Variants in MRTFB observed in about 807,000 individuals in gnomAD.
MRTFB encodes myocardin related transcription factor B, also known as myocardin-related transcription factor B.
Under a neutral mutation model 104.2 loss-of-function variants are expected in MRTFB, and 29 were observed. That is an observed-to-expected ratio of 0.28 (90% CI 0.21 to 0.38). MRTFB has a LOEUF of 0.38. Ranked by LOEUF, MRTFB falls within the 10% of genes least tolerant of loss-of-function variation. The pLI is 1.00. For synonymous variants in MRTFB, 535 were observed against 519.5 expected, an observed-to-expected ratio of 1.03 and a Z score of -0.41; for missense variants, 1,270 against 1,341.6, an observed-to-expected ratio of 0.95 and a Z score of 0.83.
At chr16:14,208,842 A>T (rs2041064874) in intron 3 of MRTFB, among the ~76,000 whole-genome samples, 1 of 152,162 alleles carries the variant, frequency 6.6e-6, no homozygotes, top group Non-Finnish European at 1.5e-5. Flanking sequence ...GAACATCTTA[A>T]TGTCAGGAAT....
At chr16:14,032,571 C>T in the MRTFB span, among the ~76,000 whole-genome samples, 22 of 152,072 alleles carry the variant, frequency 1.4e-4, no homozygotes, top group Admixed American at 4.6e-4. Context: ...TGAGAGCTGT[C>T]TTAGCAAATT....
At chr16:14,032,734 G>A in the MRTFB span, among the ~76,000 whole-genome samples, 3 of 152,130 alleles carry the variant, frequency 2.0e-5, no homozygotes, top group Non-Finnish European at 2.9e-5. Context: ...TGAACCCCAG[G>A]TAGCTACTGC....
At chr16:14,017,713 T>TATATATATATATATATATA in the MRTFB span, among the ~76,000 whole-genome samples, 25 of 9,438 alleles carry the variant, frequency 2.6e-3, 2 homozygotes, top group East Asian at 7.9e-3. Flanking sequence ...ATATATATAT[T>TATATATATATATATATATA]TTTTTTTTTT....
chr16:14,203,763 C>T (rs1419371641), intron 3 of MRTFB, among the ~76,000 whole-genome samples: 1 of 141,382 alleles, frequency 7.1e-6, no homozygotes, highest in Non-Finnish European at 1.5e-5. Context: ...GAGATCAGAC[C>T]ACTGCACTCC....
the MRTFB span, among the ~76,000 whole-genome samples, chr16:14,038,686 C>A: frequency 6.6e-6 from 1 of 152,142 alleles, no homozygotes; most frequent in Non-Finnish European, 1.5e-5. Context: ...TCAACCAATA[C>A]ACAGTTATTA....
Position 14,261,154 on chromosome 16 carries a change from G to A in MRTFB, c.3010G>A (p.Glu1004Lys). 1 of 1,614,210 alleles carries A rather than the reference G, an allele frequency of 6.2e-7. No individual in the cohort carries two copies. The highest frequency in any genetic ancestry group is 1.1e-5 in the South Asian group (1 of 91,078). Residue 1004 changes from glutamate to lysine, a missense_variant, in exon 17 of 17, where the codon GAA (glutamate) becomes AAA (lysine). Glu to Lys is a moderately conservative substitution (Grantham distance 56, BLOSUM62 1). This residue lies in a region of MRTFB where 1,144 missense variants were observed against 1,131.5 expected (regional missense o/e 1.01). Transcript: ENST00000571589. ...NEIPPLQSSS[E>K]DREPFSLIED... ...AATTCCTCCACTACAAAGCAGCAGT[G>A]AAGACAGAGAGCCCTTCTCTCTGAT...
chr16:14,042,964 C>T, the MRTFB span, among the ~76,000 whole-genome samples: 1 of 152,146 alleles, frequency 6.6e-6, no homozygotes, highest in African/African-American at 2.4e-5. Context: ...GGTGAGTCTC[C>T]AAGCTCTTGA....
At position 14,118,653 on chromosome 16, in the gene MRTFB, T is replaced by C. The variant is rs117646807; in HGVS notation, c.-63-21891T>C. The stretch of plus-strand genomic sequence containing the variant: ...CCCATCTCTACAAAAAATACAAAAA[T>C]TAGCCTGGTGTGGTGGTGCATGCCT... On this transcript the variant is annotated intron_variant, in intron 2 of 16. Transcript: ENST00000571589. 9.9e-5 allele frequency among the ~76,000 whole-genome samples: 15 copies of C among 151,780 alleles called. No individual in the cohort carries two copies. The East Asian group carries it at 3.0e-3, about 30-fold the overall frequency.
the MRTFB span, among the ~76,000 whole-genome samples, chr16:14,029,493 TTATATATATACACA>T: frequency 7.9e-6 from 1 of 126,174 alleles, no homozygotes; most frequent in Non-Finnish European, 1.7e-5. Flanking sequence ...TATATACACA[TTATATATATACACA>T]TATATATACA....
At chr16:14,251,127 A>G (rs1213227257) in intron 13 of MRTFB, among the ~76,000 whole-genome samples, 1 of 152,146 alleles carries the variant, frequency 6.6e-6, no homozygotes, top group Non-Finnish European at 1.5e-5. Flanking sequence ...CTGTAATCCC[A>G]GCACTTTGGG....
intron 8 of MRTFB, among the ~76,000 whole-genome samples, chr16:14,227,189 T>C (rs947694560): frequency 1.3e-5 from 2 of 152,056 alleles, no homozygotes; most frequent in African/African-American, 2.4e-5. Context: ...ATTCGGGTCA[T>C]GGGGGCAGAT....
intron 3 of MRTFB, among the ~76,000 whole-genome samples, chr16:14,144,959 A>AT (rs1567380096): frequency 2.1e-5 from 3 of 145,270 alleles, no homozygotes; most frequent in Non-Finnish European, 4.5e-5. Flanking sequence ...AAAAAAAAAA[A>AT]AAATAAATAA....
intron 3 of MRTFB, among the ~76,000 whole-genome samples, chr16:14,203,505 T>C (rs1191709798): frequency 1.3e-5 from 2 of 152,190 alleles, no homozygotes; most frequent in Non-Finnish European, 2.9e-5. Flanking sequence ...TGTTGTTTCC[T>C]TTAGGGGGAA....
the MRTFB span, among the ~76,000 whole-genome samples, chr16:14,050,425 G>A: frequency 1.3e-5 from 2 of 152,072 alleles, no homozygotes; most frequent in African/African-American, 4.8e-5. Flanking sequence ...GTGCAGTGGT[G>A]TGATCATAGC....
chr16:14,248,666 CCATTTT>C (rs1474691456), intron 12 of MRTFB: 3 of 359,534 alleles, frequency 8.3e-6, no homozygotes, highest in East Asian at 6.1e-5. Flanking sequence ...ATTTCCATTT[CCATTTT>C]CTCAAAATTT....
chr16:14,102,446 T>G (rs578040211), intron 2 of MRTFB, among the ~76,000 whole-genome samples: 1 of 152,228 alleles, frequency 6.6e-6, no homozygotes, highest in Admixed American at 6.5e-5. Context: ...TTATCACTCG[T>G]ACATGTTTAA....
chr16:14,127,929 ATT>A (rs67001306), intron 2 of MRTFB, among the ~76,000 whole-genome samples: 794 of 43,974 alleles, frequency 0.018, 2 homozygotes, highest in South Asian at 0.026. Context: ...ATATATATAT[ATT>A]TTTTTTTTTT....
At chr16:14,238,968 T>C (rs2042645731) in intron 9 of MRTFB, among the ~76,000 whole-genome samples, 1 of 152,202 alleles carries the variant, frequency 6.6e-6, no homozygotes, top group Admixed American at 6.5e-5. Flanking sequence ...TCCCATGGTG[T>C]AAATATTCCC....
At chr16:14,105,810 T>C (rs1339173969) in intron 2 of MRTFB, among the ~76,000 whole-genome samples, 2 of 152,208 alleles carry the variant, frequency 1.3e-5, no homozygotes, top group Non-Finnish European at 2.9e-5. Context: ...GTTAAGGTGT[T>C]CTTAAAGACG....
Sources: allele counts gnomAD v4.1 joint callset (sites outside exome capture counted in the v4.1 genomes callset), GRCh38; gene constraint gnomAD v4.1.1; regional missense constraint gnomAD v4.1.1; transcripts MANE v1.5; gene names NCBI Gene and HGNC (gene_info 2026-07-23, HGNC 2026-07-21).